NRBP1: variants seen among roughly 807,000 people sequenced by gnomAD.
The protein encoded by NRBP1 is nuclear receptor-binding protein.
Under a neutral mutation model 76.0 loss-of-function variants are expected in NRBP1, and 10 were observed. The observed-to-expected ratio is 0.13, with a 90% CI of 0.08 to 0.22. The LOEUF (loss-of-function observed/expected upper bound fraction) is 0.22. Among genes scored for constraint, NRBP1 ranks in the 10% least tolerant of loss-of-function variants. NRBP1 has a pLI of 1.00. For synonymous variants in NRBP1, 235 were observed against 240.2 expected (o/e 0.98, Z 0.20); for missense variants, 344 against 646.0 (o/e 0.53, Z 5.07).
At position 27,440,472 on chromosome 2, in the gene NRBP1, T is replaced by C; in HGVS notation, c.1106T>C (p.Ile369Thr). The change falls in exon 12 of 18, where the codon ATC (isoleucine) becomes ACC (threonine). Residue 369 changes from isoleucine to threonine, a missense_variant. Ile to Thr is a moderately conservative substitution (Grantham distance 89). Coordinates refer to ENST00000379852, the MANE Select transcript of NRBP1 (RefSeq NM_013392.4). ...GATACTAGTGCCGTACTGGCTGAAATCCCTGCAGGACCAGGAAGAGAACCA... is the reference window on the plus strand; with the variant it reads ...GATACTAGTGCCGTACTGGCTGAAACCCCTGCAGGACCAGGAAGAGAACCA... ...NMDTSAVLAE[I>T]PAGPGREPVQ... 2 of 1,614,040 alleles carry C rather than the reference T, an allele frequency of 1.2e-6. No homozygotes were observed. The highest frequency in any genetic ancestry group is 1.7e-6 in the Non-Finnish European group (2 of 1,179,962).
chr2:27,429,122 G>T (rs1407824140), intron 1 of NRBP1: 1 of 154,884 alleles, frequency 6.5e-6, no homozygotes, highest in East Asian at 1.9e-4. Flanking sequence ...GCGGGGAGGT[G>T]CGCAGACTGC....
intron 16 of NRBP1, 92 bp from the exon 17 acceptor site, chr2:27,441,475 C>G: frequency 1.3e-6 from 2 of 1,485,258 alleles, no homozygotes; most frequent in Non-Finnish European, 1.9e-6. Context: ...GTGGGTGGAT[C>G]TGACTGACAG....
At chr2:27,436,980 TA>T in intron 8 of NRBP1, 66 bp from the exon 9 acceptor site, 1 of 1,454,078 alleles carries the variant, frequency 6.9e-7, no homozygotes, top group South Asian at 1.2e-5. Flanking sequence ...TTTTTTTTCC[TA>T]AGGCATTCCT....
upstream of NRBP1, chr2:27,428,223 A>G (rs933155171): frequency 1.3e-5 from 2 of 159,662 alleles, no homozygotes; most frequent in African/African-American, 4.8e-5. Flanking sequence ...CGTCCTGCAC[A>G]CCAGTCTCGT....
chr2:27,438,054 G>T (rs1312505862), intron 10 of NRBP1, among the ~76,000 whole-genome samples: 1 of 151,520 alleles, frequency 6.6e-6, no homozygotes, highest in East Asian at 1.9e-4. Context: ...GGGCATGGTG[G>T]TGTGTGCCTG....
At chr2:27,438,883 C>G (rs1478299282) in intron 10 of NRBP1, among the ~76,000 whole-genome samples, 1 of 152,100 alleles carries the variant, frequency 6.6e-6, no homozygotes, top group Admixed American at 6.6e-5. Context: ...TGCTTGAGCC[C>G]AGGAGGTTGA....
At chr2:27,439,011 A>C (rs1401537014) in intron 10 of NRBP1, among the ~76,000 whole-genome samples, 3 of 152,090 alleles carry the variant, frequency 2.0e-5, no homozygotes, top group African/African-American at 7.2e-5. Context: ...ATCCTGGGAA[A>C]TTCGGTGAAT....
At chr2:27,441,380 T>G (rs149257867) in intron 16 of NRBP1, 50 bp downstream of exon 16, 2 of 1,569,936 alleles carry the variant, frequency 1.3e-6, no homozygotes, top group Non-Finnish European at 1.8e-6. Context: ...AGCCTTATCT[T>G]TTAGGGACAT....
rs1664496037 is a variant in NRBP1, at chr2:27,440,506, T to G, written c.1140T>G (p.Thr380=). ...GACCAGGAAGAGAACCAGTTCAGAC[T>G]TTGTGAGTAACTGAGAGGGTCTGAA... ...PAGPGREPVQ[T]LYSQSPALEL... The change falls in exon 12 of 18, where the codon ACT becomes ACG. Residue 380 remains threonine (T), a splice_region_variant and synonymous_variant. Coordinates refer to ENST00000379852, the MANE Select transcript of NRBP1 (RefSeq NM_013392.4). 6.2e-7 allele frequency: 1 copy of G among 1,612,986 alleles called. No individual in the cohort carries two copies. The highest frequency in any genetic ancestry group is 8.5e-7 in the Non-Finnish European group (1 of 1,178,972).
chr2:27,440,147 G>A (rs1664477775), intron 11 of NRBP1, among the ~76,000 whole-genome samples: 1 of 151,848 alleles, frequency 6.6e-6, no homozygotes, highest in Non-Finnish European at 1.5e-5. Flanking sequence ...GAAGAGCTGG[G>A]ATTACAGGCA....
At chr2:27,436,968 TTTTTTTTTTCC>T (rs2148450252) in intron 8 of NRBP1, 68 bp from the exon 9 acceptor site, 4 of 1,488,644 alleles carry the variant, frequency 2.7e-6, no homozygotes, top group Non-Finnish European at 2.8e-6. Context: ...TTCTTTTCTT[TTTTTTTTTTCC>T]TAAGGCATTC....
intron 8 of NRBP1, 82 bp from the exon 9 acceptor site, chr2:27,436,961 TTTTC>T: frequency 2.0e-6 from 3 of 1,490,666 alleles, no homozygotes; most frequent in Non-Finnish European, 2.8e-6. Flanking sequence ...AATATTTTTC[TTTTC>T]TTTTTTTTTT....
rs186139906 is a variant in NRBP1 at position 27,440,419 on chromosome 2, C to T, written c.1053C>T (p.Asn351=). ...IVGHQHMIPE[N]ALEEITKNMD... is the part of the protein sequence containing the mutation. ...GCCCTCCAGACATGATCCCAGAGAA[C>T]GCTCTAGAGGAGATCACCAAAAACA... is the stretch of plus-strand genomic sequence containing the variant. The change falls in exon 12 of 18, where the codon AAC becomes AAT. Residue 351 remains asparagine (N), a synonymous_variant. Coordinates refer to ENST00000379852, the MANE Select transcript of NRBP1 (RefSeq NM_013392.4). The T allele has an allele frequency of 4.2e-5, 67 of 1,611,784 alleles. No homozygotes were observed. The highest frequency in any genetic ancestry group is 2.3e-4 in the African/African-American group (17 of 74,970).
intron 7 of NRBP1, 71 bp from the exon 8 acceptor site, chr2:27,436,682 G>C: frequency 7.2e-7 from 1 of 1,386,656 alleles, no homozygotes. Context: ...TTGGCTTTTG[G>C]GGCCTCTCTC....
chr2:27,439,283 T>G (rs1251915957), intron 10 of NRBP1, among the ~76,000 whole-genome samples: 2 of 151,698 alleles, frequency 1.3e-5, no homozygotes, highest in Non-Finnish European at 2.9e-5. Flanking sequence ...GTCAGGAGAT[T>G]GAGACCATCC....
chr2:27,433,901 T>C (rs1572688342), intron 3 of NRBP1, 88 bp from the exon 4 acceptor site: 1 of 1,600,900 alleles, frequency 6.2e-7, no homozygotes, highest in East Asian at 2.2e-5. Context: ...TGGGGTTAGA[T>C]CGTTTCTGGG....
intron 8 of NRBP1, 50 bp from the exon 9 acceptor site, chr2:27,436,997 C>A: frequency 6.4e-7 from 1 of 1,562,624 alleles, no homozygotes; most frequent in Non-Finnish European, 8.8e-7. Context: ...TTCCTGCCAA[C>A]CCTAGCCCCC....
Position 27,434,573 on chromosome 2 carries a change from A to C in NRBP1, c.525+13A>C. 1 of 1,611,574 alleles carries C rather than the reference A, an allele frequency of 6.2e-7. No individual in the cohort carries two copies. The highest frequency in any genetic ancestry group is 8.5e-7 in the Non-Finnish European group (1 of 1,177,732). ...GATGAATGAAAAGGTATAGAAGGAGAGCAGACAAAGTTTGAGGCTGGTTTT... is the reference window on the plus strand; with the variant it reads ...GATGAATGAAAAGGTATAGAAGGAGCGCAGACAAAGTTTGAGGCTGGTTTT... On this transcript the variant is annotated intron_variant, in intron 5 of 17. Transcript: ENST00000379852.
At chr2:27,433,869 G>T (rs1664201538) in intron 3 of NRBP1, 74 bp downstream of exon 3, 1 of 1,610,770 alleles carries the variant, frequency 6.2e-7, no homozygotes, top group African/African-American at 1.3e-5. Flanking sequence ...GTGTTGGGAA[G>T]CTGCCCGTGA....
Sources: gnomAD v4.1 joint callset for allele counts (sites outside exome capture counted in the v4.1 genomes callset) on GRCh38, gnomAD v4.1.1 for gene constraint, MANE v1.5 for transcripts, NCBI Gene and HGNC (gene_info 2026-07-23, HGNC 2026-07-21) for gene names.